NRXN3: variants seen among roughly 807,000 people sequenced by gnomAD.
NRXN3 encodes the protein neurexin III.
Under a neutral mutation model 137.6 loss-of-function variants are expected in NRXN3, and 32 were observed. That is an observed-to-expected ratio of 0.23 (90% CI 0.18 to 0.31). The LOEUF (loss-of-function observed/expected upper bound fraction) is 0.31. NRXN3 is among the 10% of genes least tolerant of loss of function. The pLI is 1.00. For synonymous variants in NRXN3, 798 were observed against 784.5 expected, an observed-to-expected ratio of 1.02 and a Z score of -0.29; for missense variants, 1,574 against 2,062.5, an observed-to-expected ratio of 0.76 and a Z score of 4.59.
At chr14:79,795,570 G>T (rs1354664360) in intron 19 of NRXN3, among the ~76,000 whole-genome samples, 3 of 152,066 alleles carry the variant, frequency 2.0e-5, no homozygotes, top group Admixed American at 6.6e-5. Context: ...TCATAGTTCT[G>T]TCTCAAACTT....
chr14:78,256,873 A>C (rs1277594745), intron 2 of NRXN3, among the ~76,000 whole-genome samples: 1 of 152,198 alleles, frequency 6.6e-6, no homozygotes, highest in Non-Finnish European at 1.5e-5. Context: ...ATCTACCTTT[A>C]TCTCTCTTTA....
rs154390 is a variant in NRXN3, at chr14:78,881,878, T to C, written c.2275+71534T>C. ...ATGGGGAAAATGTCTCCAGGGCATG[T>C]CAGAGACCACAACAGTCCCTCCCAT... On this transcript the variant is annotated intron_variant, in intron 10 of 20. Coordinates refer to ENST00000335750, the MANE Select transcript of NRXN3 (RefSeq NM_001330195.2). 9.2e-3 allele frequency among the ~76,000 whole-genome samples: 1,389 copies of C among 151,656 alleles called. 63 individuals carry two copies. Among genetic ancestry groups the C allele is most frequent in the African/African-American group, 0.033 (1,339 of 41,002 alleles).
chr14:78,863,983 A>G (rs2099079938), intron 10 of NRXN3, among the ~76,000 whole-genome samples: 2 of 152,158 alleles, frequency 1.3e-5, no homozygotes, highest in Admixed American at 6.5e-5. Flanking sequence ...TAAAAGTATA[A>G]ACAACTCCTG....
At chr14:79,465,065 C>T (rs1201336615) in intron 15 of NRXN3, among the ~76,000 whole-genome samples, 1 of 152,044 alleles carries the variant, frequency 6.6e-6, no homozygotes, top group Non-Finnish European at 1.5e-5. Context: ...TTATAAATTG[C>T]CATGAAATGT....
At chr14:79,255,788 TTTC>T (rs1210166288) in intron 15 of NRXN3, among the ~76,000 whole-genome samples, 2 of 152,210 alleles carry the variant, frequency 1.3e-5, no homozygotes, top group Non-Finnish European at 2.9e-5. Flanking sequence ...TCTAGCACAT[TTTC>T]TTCTCTAGAA....
chr14:78,883,994 G>A (rs1350300138), intron 10 of NRXN3, among the ~76,000 whole-genome samples: 5 of 152,114 alleles, frequency 3.3e-5, no homozygotes, highest in Non-Finnish European at 4.4e-5. Context: ...TGATTCAGAC[G>A]AATAGTTCCA....
At chr14:79,786,286 G>T (rs1386537520) in intron 19 of NRXN3, among the ~76,000 whole-genome samples, 1 of 152,106 alleles carries the variant, frequency 6.6e-6, no homozygotes, top group Non-Finnish European at 1.5e-5. Context: ...TCCCAATTTG[G>T]CTACAAAAGT....
chr14:79,372,784 A>T (rs1285840861), intron 15 of NRXN3, among the ~76,000 whole-genome samples: 1 of 152,116 alleles, frequency 6.6e-6, no homozygotes, highest in Non-Finnish European at 1.5e-5. Context: ...TTCCTCTTCC[A>T]CTTCCCCTAC....
chr14:79,333,177 A>C (rs912329370), intron 15 of NRXN3, among the ~76,000 whole-genome samples: 4 of 151,596 alleles, frequency 2.6e-5, no homozygotes, highest in African/African-American at 9.7e-5. Context: ...TATCCCCTCA[A>C]CTACTCATTT....
At chr14:79,172,346 A>G (rs1259687987) in intron 15 of NRXN3, among the ~76,000 whole-genome samples, 2 of 152,162 alleles carry the variant, frequency 1.3e-5, no homozygotes, top group African/African-American at 4.8e-5. Flanking sequence ...AGATGAATGT[A>G]TCCCTCATGT....
At chr14:78,417,420 G>A (rs182630274) in intron 4 of NRXN3, among the ~76,000 whole-genome samples, 1 of 152,130 alleles carries the variant, frequency 6.6e-6, no homozygotes, top group African/African-American at 2.4e-5. Flanking sequence ...GGGAGCATGC[G>A]CAGATGCTCT....
At chr14:79,212,647 T>C (rs2067848489) in intron 15 of NRXN3, among the ~76,000 whole-genome samples, 1 of 152,192 alleles carries the variant, frequency 6.6e-6, no homozygotes, top group Non-Finnish European at 1.5e-5. Flanking sequence ...AGTTAAGCTG[T>C]CTTCCTCTAT....
At chr14:79,675,628 G>A (rs10130498) in intron 17 of NRXN3, among the ~76,000 whole-genome samples, 29,413 of 152,020 alleles carry the variant, frequency 0.19, 2,972 homozygotes, top group African/African-American at 0.24. Flanking sequence ...TAGTACTACC[G>A]TGTAGGGTGA....
chr14:79,238,032 A>G (rs936576888), intron 15 of NRXN3, among the ~76,000 whole-genome samples: 11 of 152,154 alleles, frequency 7.2e-5, no homozygotes, highest in African/African-American at 2.4e-4. Flanking sequence ...TAGTAGAGTC[A>G]GATTATATAC....
At chr14:79,477,281 GA>G (rs1473781321) in intron 16 of NRXN3, among the ~76,000 whole-genome samples, 2 of 152,070 alleles carry the variant, frequency 1.3e-5, no homozygotes, top group African/African-American at 4.8e-5. Flanking sequence ...AATGGCATAA[GA>G]AAAGAGGCAG....
intron 16 of NRXN3, among the ~76,000 whole-genome samples, chr14:79,581,155 T>C (rs2097712649): frequency 6.6e-6 from 1 of 152,100 alleles, no homozygotes; most frequent in Admixed American, 6.6e-5. Flanking sequence ...AGTGCTGGGA[T>C]TGGAATGGAA....
intron 16 of NRXN3, among the ~76,000 whole-genome samples, chr14:79,521,277 A>G (rs1055870806): frequency 1.4e-4 from 21 of 152,082 alleles, no homozygotes; most frequent in African/African-American, 2.9e-4. Context: ...ATGCATGTCT[A>G]TATGTATGTT....
chr14:78,791,025 C>G (rs1267804924), intron 8 of NRXN3, among the ~76,000 whole-genome samples: 3 of 152,124 alleles, frequency 2.0e-5, no homozygotes, highest in Non-Finnish European at 4.4e-5. Flanking sequence ...TTTCTAGACT[C>G]TAGAAGATGT....
chr14:78,977,610 A>C (rs190165183), intron 14 of NRXN3, among the ~76,000 whole-genome samples: 3 of 152,134 alleles, frequency 2.0e-5, no homozygotes, highest in Non-Finnish European at 2.9e-5. Flanking sequence ...AGAAGGCTTC[A>C]TGCTACCAGC....
Sources: allele counts gnomAD v4.1 joint callset (sites outside exome capture counted in the v4.1 genomes callset), GRCh38; gene constraint gnomAD v4.1.1; transcripts MANE v1.5; gene names NCBI Gene and HGNC (gene_info 2026-07-23, HGNC 2026-07-21).